The following MYOM1 variants were observed in gnomAD, a reference collection of about 807,000 sequenced individuals.
MYOM1 encodes the protein myomesin 1.
Under a neutral mutation model 205.3 loss-of-function variants are expected in MYOM1, and 164 were observed. That is an observed-to-expected ratio of 0.80 (90% confidence interval 0.70 to 0.91). MYOM1 has a LOEUF of 0.91. MYOM1 is among the 40% of genes least tolerant of loss of function. The pLI, the probability that MYOM1 is intolerant of heterozygous loss-of-function variation, is 0.00. For missense variants in MYOM1, 2,011 were observed against 2,127.3 expected, an observed-to-expected ratio of 0.95 and a Z score of 1.08; for synonymous variants, 772 against 789.4, an observed-to-expected ratio of 0.98 and a Z score of 0.37.
chr18:3,072,038 G>T, intron 36 of MYOM1, 149 bp from the exon 37 acceptor site: 1 of 705,998 alleles, frequency 1.4e-6, no homozygotes. Context: ...AAAAGAAAAT[G>T]ATCCAGGGAT....
At chr18:3,234,943 T>TG in the MYOM1 span, among the ~76,000 whole-genome samples, 1 of 151,276 alleles carries the variant, frequency 6.6e-6, no homozygotes, top group Non-Finnish European at 1.5e-5. Context: ...TTTTTAGAGA[T>TG]GGGGGTTCAC....
chr18:3,164,198 G>T, intron 10 of MYOM1, 80 bp downstream of exon 10: 1 of 1,417,798 alleles, frequency 7.1e-7, no homozygotes, highest in South Asian at 1.3e-5. Context: ...AAACATGTTT[G>T]AACTGTTTTG....
At chr18:3,175,986 G>A in intron 6 of MYOM1, 56 bp downstream of exon 6, 1 of 1,085,706 alleles carries the variant, frequency 9.2e-7, no homozygotes, top group Non-Finnish European at 1.4e-6. Flanking sequence ...AACTGCAGGG[G>A]TGAGAAGCCT....
chr18:3,075,690 C>T (rs1180611608), intron 35 of MYOM1, 35 bp downstream of exon 35: 1 of 1,595,978 alleles, frequency 6.3e-7, no homozygotes, highest in African/African-American at 1.3e-5. Flanking sequence ...GAAATTAGTG[C>T]ATGCAAGTGG....
At chr18:3,234,976 C>T in the MYOM1 span, among the ~76,000 whole-genome samples, 12 of 151,004 alleles carry the variant, frequency 7.9e-5, no homozygotes, top group East Asian at 1.9e-4. Context: ...AGGCTGGTCT[C>T]GAACTCCTGG....
At chr18:3,102,706 T>C in intron 22 of MYOM1, 76 bp from the exon 23 acceptor site, 1 of 1,500,958 alleles carries the variant, frequency 6.7e-7, no homozygotes, top group Non-Finnish European at 9.0e-7. Context: ...CTTGAGATTC[T>C]TTACTTTAAC....
In MYOM1 at chr18:3,214,872, G is replaced by T. The variant is rs1403996544; in HGVS notation, c.290+62C>A. 2.0e-6 allele frequency: 3 copies of T among 1,484,268 alleles called. No homozygotes were observed. In the East Asian group the frequency reaches 6.9e-5, roughly 34 times the overall value. 91.9% of individuals were successfully genotyped at this position (1,484,268 alleles called of 1,614,324 possible). ...AAACAAAGCGAGAAGTAACTGGGAGGGTTACTCAGAGCACACGCCTCTTCC... is the reference window on the plus strand; with the variant it reads ...AAACAAAGCGAGAAGTAACTGGGAGTGTTACTCAGAGCACACGCCTCTTCC... On this transcript the variant is annotated intron_variant, in intron 2 of 37. Transcript: ENST00000356443.
At chr18:3,116,944 G>A (rs927257244) in intron 20 of MYOM1, among the ~76,000 whole-genome samples, 2 of 152,220 alleles carry the variant, frequency 1.3e-5, no homozygotes, top group African/African-American at 4.8e-5. Context: ...GTAACCTCGA[G>A]CTCCTGGGCT....
intron 33 of MYOM1, among the ~76,000 whole-genome samples, chr18:3,080,631 G>A (rs2079074024): frequency 6.6e-6 from 1 of 150,978 alleles, no homozygotes; most frequent in Non-Finnish European, 1.5e-5. Flanking sequence ...CCGAGATCAC[G>A]CCATTGCACT....
intron 22 of MYOM1, among the ~76,000 whole-genome samples, chr18:3,107,360 A>C (rs752845344): frequency 3.2e-4 from 48 of 152,256 alleles, no homozygotes; most frequent in Non-Finnish European, 6.0e-4. Flanking sequence ...CTCATGATCC[A>C]CCCACCTTGG....
intron 3 of MYOM1, 137 bp downstream of exon 3, chr18:3,193,681 A>G (rs897210147): frequency 1.1e-6 from 1 of 911,838 alleles, no homozygotes; most frequent in African/African-American, 1.7e-5. Context: ...TTTTACTATA[A>G]TCTAACAAGT....
At position 3,075,485 on chromosome 18, in the gene MYOM1, G is replaced by T. The variant is rs767423536; in HGVS notation, c.4686-9C>A. The T allele has an allele frequency of 6.4e-7, 1 of 1,571,906 alleles. No homozygotes were observed. The highest frequency in any genetic ancestry group is 8.6e-7 in the Non-Finnish European group (1 of 1,166,148). On this transcript the variant is annotated splice_polypyrimidine_tract_variant and intron_variant, in intron 35 of 37. Transcript: ENST00000356443. ...CGGCAATGGCAGCTTGTCTGTGGTT[G>T]AGAGAAACGAACAAACAGACGAAGA...
rs1244383580 is a variant in MYOM1 at position 3,094,251 on chromosome 18, C to T, written c.3783G>A (p.Arg1261=). 2 of 1,613,830 alleles carry T rather than the reference C, an allele frequency of 1.2e-6. No homozygotes were observed. Among genetic ancestry groups the T allele is most frequent in the East Asian group, 2.2e-5 (1 of 44,896 alleles). Residue 1261 remains arginine (R), a synonymous_variant, in exon 26 of 38, where the codon CGG becomes CGA. Coordinates refer to ENST00000356443, the MANE Select transcript of MYOM1 (RefSeq NM_003803.4). ...ACAGTTTCTCAGCCTGCATCCAAAACCGGACCTGGCCTTTCTCCAAAATTT... is the reference window on the plus strand; with the variant it reads ...ACAGTTTCTCAGCCTGCATCCAAAATCGGACCTGGCCTTTCTCCAAAATTT... The part of the protein sequence containing the change: ...AVEILEKGQV[R]FWMQAEKLSG...
intron 14 of MYOM1, among the ~76,000 whole-genome samples, chr18:3,140,204 C>T (rs554160890): frequency 8.6e-4 from 130 of 151,984 alleles, no homozygotes; most frequent in African/African-American, 2.9e-3. Context: ...GTCAGGAGTT[C>T]GAGATCACCC....
chr18:3,172,487 A>G (rs781378420), intron 8 of MYOM1, among the ~76,000 whole-genome samples: 1 of 152,058 alleles, frequency 6.6e-6, no homozygotes, highest in Non-Finnish European at 1.5e-5. Context: ...ACTGGGAGAC[A>G]AGTCATAGGT....
intron 16 of MYOM1, among the ~76,000 whole-genome samples, chr18:3,132,029 T>C (rs2079882900): frequency 7.9e-6 from 1 of 126,294 alleles, no homozygotes; most frequent in Non-Finnish European, 1.7e-5. Context: ...GTATTAATAT[T>C]ATTATATATA....
chr18:3,236,138 T>A, the MYOM1 span, among the ~76,000 whole-genome samples: 1 of 151,872 alleles, frequency 6.6e-6, no homozygotes, highest in African/African-American at 2.4e-5. Context: ...TCACTCAGCA[T>A]AGTCACGTAA....
chr18:3,172,437 C>G (rs2080573149), intron 8 of MYOM1, among the ~76,000 whole-genome samples: 1 of 151,920 alleles, frequency 6.6e-6, no homozygotes, highest in Non-Finnish European at 1.5e-5. Flanking sequence ...AAGCTACATT[C>G]AGAGGATTGT....
At chr18:3,238,622 T>C in the MYOM1 span, among the ~76,000 whole-genome samples, 2 of 152,204 alleles carry the variant, frequency 1.3e-5, no homozygotes, top group Non-Finnish European at 2.9e-5. Flanking sequence ...AGTTTTTTAT[T>C]GCTGCTGTAA....
Sources: gnomAD v4.1 joint callset for allele counts (sites outside exome capture counted in the v4.1 genomes callset) on GRCh38, gnomAD v4.1.1 for gene constraint, MANE v1.5 for transcripts, NCBI Gene and HGNC (gene_info 2026-07-23, HGNC 2026-07-21) for gene names.